CPT2: variants seen among roughly 807,000 people sequenced by gnomAD.
The protein encoded by CPT2 is carnitine O-palmitoyltransferase 2, mitochondrial.
A neutral mutation model predicts 48.6 loss-of-function variants in CPT2; 37 were observed. That is an observed-to-expected ratio of 0.76 (90% CI 0.59 to 1.00). The LOEUF (loss-of-function observed/expected upper bound fraction) is 1.00. Ranked by LOEUF, CPT2 falls within the 50% of genes least tolerant of loss-of-function variation. The probability of loss-of-function intolerance (pLI) is 0.00; values close to 1 mark genes in which losing one functional copy is unlikely to be tolerated. For missense variants in CPT2, 772 were observed against 825.6 expected (o/e 0.94, Z 0.80); for synonymous variants, 319 against 326.9 (o/e 0.98, Z 0.26).
At position 53,213,347 on chromosome 1, in the gene CPT2, C is replaced by T. The variant is rs749268486; in HGVS notation, c.1729C>T (p.Pro577Ser). The T allele has an allele frequency of 1.9e-6, 3 of 1,614,094 alleles. No homozygotes were observed. Among genetic ancestry groups the T allele is most frequent in the Non-Finnish European group, 2.5e-6 (3 of 1,180,056 alleles). The change falls in exon 5 of 5, where the codon CCT becomes TCT. Residue 577 changes from proline (P) to serine (S), a missense_variant. Pro to Ser is a moderately conservative substitution (Grantham distance 74). Transcript: ENST00000371486. ...CATCTTGCCTGAGCTCTACCTGGAC[C>T]CTGCATACGGGCAGATAAACCACAA... ...GIILPELYLD[P>S]AYGQINHNVL...
At chr1:53,203,734 G>A (rs1023341701) in intron 3 of CPT2, 24 of 150,424 alleles carry the variant, frequency 1.6e-4, no homozygotes, top group African/African-American at 5.4e-4. Context: ...GTTGGGACTC[G>A]TGTTTCTTGT....
At chr1:53,206,182 CAAAAAAAAAA>C (rs951448638) in intron 3 of CPT2, among the ~76,000 whole-genome samples, 73 of 58,930 alleles carry the variant, frequency 1.2e-3, no homozygotes, top group African/African-American at 3.8e-3. Context: ...GACTCCATTT[CAAAAAAAAAA>C]AAAAAAAAAA....
At chr1:53,205,661 A>T (rs781678278) in intron 3 of CPT2, among the ~76,000 whole-genome samples, 2 of 152,256 alleles carry the variant, frequency 1.3e-5, no homozygotes, top group Non-Finnish European at 2.9e-5. Context: ...AGCCCCTCCC[A>T]GCATAGGCCC....
In CPT2 at chr1:53,208,161, T is replaced by G. The variant is rs376689633; in HGVS notation, c.341-1854T>G. 4 of 152,232 alleles carry G rather than the reference T, an allele frequency of 2.6e-5. No homozygotes were observed. The South Asian group carries it at 6.2e-4, about 24-fold the overall frequency. The allele number at this position is 152,232 out of a possible 1,614,324, so 9.4% of individuals were successfully genotyped here. On this transcript the variant is annotated intron_variant, in intron 3 of 4. Coordinates refer to ENST00000371486, the MANE Select transcript of CPT2 (RefSeq NM_000098.3). ...CCACCAGTACTTTTCTCTCACCATT[T>G]TAGTGCATTGCGTTATGTTTTAATT...
chr1:53,200,860 G>A, intron 2 of CPT2, 61 bp downstream of exon 2: 2 of 1,313,042 alleles, frequency 1.5e-6, no homozygotes, highest in Non-Finnish European at 2.2e-6. Flanking sequence ...CTGGCAAGTA[G>A]TGGTGGACCA....
At chr1:53,209,948 T>A in intron 3 of CPT2, 67 bp from the exon 4 acceptor site, 1 of 1,399,418 alleles carries the variant, frequency 7.1e-7, no homozygotes. Context: ...ATTTTTTTTC[T>A]TCTTCAAATT....
At position 53,213,531 on chromosome 1, in the gene CPT2, A is replaced by G. The variant is rs758803512; in HGVS notation, c.1913A>G (p.Gln638Arg). 5 of 1,614,120 alleles carry G rather than the reference A, an allele frequency of 3.1e-6. No individual in the cohort carries two copies. In the African/African-American group the frequency reaches 4.0e-5, roughly 13 times the overall value. The stretch of plus-strand genomic sequence containing the variant: ...GGCCGCAATGCCCGGGAGTTTCTCC[A>G]ATGTGTGGAGAAGGCCTTAGAAGAC... ...YPGRNAREFL[Q>R]CVEKALEDMF... is the part of the protein sequence containing the mutation. Residue 638 changes from glutamine (Q) to arginine (R), a missense_variant, in exon 5 of 5, where the codon CAA (glutamine) becomes CGA (arginine). Transcript: ENST00000371486.
intron 2 of CPT2, chr1:53,201,933 T>C (rs1645356633): frequency 3.9e-6 from 1 of 259,006 alleles, no homozygotes; most frequent in Non-Finnish European, 7.6e-6. Context: ...GTGGTATTAT[T>C]ATCCATTTTA....
chr1:53,199,400 G>C (rs1333742342), intron 1 of CPT2, among the ~76,000 whole-genome samples: 1 of 152,140 alleles, frequency 6.6e-6, no homozygotes, highest in Non-Finnish European at 1.5e-5. Flanking sequence ...ATGTTGCCCA[G>C]GCTGGTCTTG....
At chr1:53,202,223 T>C in intron 2 of CPT2, 100 bp from the exon 3 acceptor site, 1 of 849,322 alleles carries the variant, frequency 1.2e-6, no homozygotes, top group Non-Finnish European at 2.0e-6. Context: ...AGGGCTATGC[T>C]GTTGGGGACC....
intron 4 of CPT2, among the ~76,000 whole-genome samples, chr1:53,212,058 G>A (rs1052636378): frequency 5.5e-4 from 66 of 119,514 alleles, no homozygotes; most frequent in Admixed American, 3.2e-4. Context: ...ATGCCCAGCT[G>A]ATATTTTAAT....
chr1:53,204,425 T>G (rs931001433), intron 3 of CPT2: 2 of 152,200 alleles, frequency 1.3e-5, no homozygotes, highest in African/African-American at 4.8e-5. Context: ...AAAAATAGTT[T>G]ATCTCTGATA....
At chr1:53,204,710 G>A (rs1313889106) in intron 3 of CPT2, among the ~76,000 whole-genome samples, 2 of 152,162 alleles carry the variant, frequency 1.3e-5, no homozygotes, top group African/African-American at 4.8e-5. Context: ...GAGGGACCTG[G>A]AGGGAGGTGA....
At chr1:53,197,151 C>T (rs72673121) in intron 1 of CPT2, 56 bp downstream of exon 1, 16 of 1,532,884 alleles carry the variant, frequency 1.0e-5, no homozygotes, top group Non-Finnish European at 1.4e-5. Context: ...TCGGCCCCAA[C>T]CTGACTGCAG....
chr1:53,197,334 T>G (rs1036848704), intron 1 of CPT2: 11 of 593,464 alleles, frequency 1.9e-5, no homozygotes, highest in African/African-American at 3.8e-5. Flanking sequence ...ATTCTCCATC[T>G]TGAACGCTTC....
Position 53,213,381 on chromosome 1 carries a change from C to G in CPT2, c.1763C>G (p.Ser588Cys), listed in dbSNP as rs1871748. ...GGGCAGATAAACCACAATGTCCTGT[C>G]CACGAGCACACTGAGCAGCCCAGCA... ...AYGQINHNVL[S>C]TSTLSSPAVN... is the part of the protein sequence containing the mutation. The change falls in exon 5 of 5, where the codon TCC (serine) becomes TGC (cysteine). Residue 588 changes from serine to cysteine, a missense_variant. Transcript: ENST00000371486. The G allele has an allele frequency of 5.9e-4, 956 of 1,614,246 alleles. 2 individuals are homozygous for G. In the African/African-American group the frequency reaches 0.012, roughly 20 times the overall value.
In CPT2 at chr1:53,210,819, G is replaced by C. The variant is rs515726176; in HGVS notation, c.1145G>C (p.Arg382Thr). ...HSWGDGVAVL[R>T]FFNEVFKDST... is the part of the protein sequence containing the mutation. ...TGGGGTGATGGTGTGGCAGTGCTCAGATTTTTTAATGAAGTATTTAAAGAC... is the reference window on the plus strand; with the variant it reads ...TGGGGTGATGGTGTGGCAGTGCTCACATTTTTTAATGAAGTATTTAAAGAC... Residue 382 changes from arginine to threonine, a missense_variant, in exon 4 of 5, where the codon AGA becomes ACA. Coordinates refer to ENST00000371486, the MANE Select transcript of CPT2 (RefSeq NM_000098.3). 7 of 1,614,060 alleles carry C rather than the reference G, an allele frequency of 4.3e-6. No individual in the cohort carries two copies. In the Admixed American group the frequency reaches 5.0e-5, roughly 12 times the overall value.
intron 1 of CPT2, chr1:53,197,436 G>T: frequency 2.5e-6 from 1 of 403,090 alleles, no homozygotes; most frequent in South Asian, 2.2e-5. Context: ...TTCCAGCGCC[G>T]CTGTAATCCC....
chr1:53,207,072 A>T (rs941481371), intron 3 of CPT2, among the ~76,000 whole-genome samples: 2 of 152,056 alleles, frequency 1.3e-5, no homozygotes, highest in Non-Finnish European at 2.9e-5. Flanking sequence ...ATGAGATCTG[A>T]TGGTTTAAAA....
Sources: allele counts gnomAD v4.1 joint callset (sites outside exome capture counted in the v4.1 genomes callset), GRCh38; gene constraint gnomAD v4.1.1; transcripts MANE v1.5; gene names NCBI Gene and HGNC (gene_info 2026-07-23, HGNC 2026-07-21).